The following TRAPPC9 variants were observed in gnomAD, a reference collection of about 807,000 sequenced individuals.
TRAPPC9 encodes trafficking protein particle complex subunit 9, also known as IKK2 binding protein.
A neutral mutation model predicts 124.0 loss-of-function variants in TRAPPC9; 83 were observed. That is an observed-to-expected ratio of 0.67 (90% CI 0.56 to 0.80). The LOEUF (loss-of-function observed/expected upper bound fraction) is 0.80, where lower values mean the gene tolerates loss of function less well. Ranked by LOEUF, TRAPPC9 falls within the 30% of genes least tolerant of loss-of-function variation. TRAPPC9 has a pLI of 0.00. For missense variants in TRAPPC9, 1,302 were observed against 1,508.3 expected, an observed-to-expected ratio of 0.86 and a Z score of 2.27; for synonymous variants, 638 against 617.5, an observed-to-expected ratio of 1.03 and a Z score of -0.49.
intron 17 of TRAPPC9, among the ~76,000 whole-genome samples, chr8:140,138,825 G>C (rs1371192856): frequency 6.6e-6 from 1 of 152,070 alleles, no homozygotes. Context: ...AAACAAAATG[G>C]GGGGATTGGT....
intron 17 of TRAPPC9, among the ~76,000 whole-genome samples, chr8:140,143,013 C>A (rs2061405048): frequency 6.6e-6 from 1 of 152,176 alleles, no homozygotes; most frequent in South Asian, 2.1e-4. Flanking sequence ...CCAAGTAGCA[C>A]AGCACCCAGG....
At chr8:140,297,181 C>T (rs1418388943) in intron 11 of TRAPPC9, among the ~76,000 whole-genome samples, 1 of 152,224 alleles carries the variant, frequency 6.6e-6, no homozygotes, top group Non-Finnish European at 1.5e-5. Context: ...TCCACCACGT[C>T]TACCCAGCGC....
Position 140,063,296 on chromosome 8 carries a change from T to G in TRAPPC9, c.2557-39217A>C, listed in dbSNP as rs1352467751. 6.6e-6 allele frequency among the ~76,000 whole-genome samples: 1 copy of G among 152,238 alleles called. No individual in the cohort carries two copies. The highest frequency in any genetic ancestry group is 1.5e-5 in the Non-Finnish European group (1 of 68,032). On this transcript the variant is annotated intron_variant, in intron 17 of 22. Transcript: ENST00000438773. The surrounding 1 kb of genome is among the most constrained non-coding windows in gnomAD (Gnocchi z 4.3). ...ATTTTGGTTTTCAGTTACTCCTCTT[T>G]GGCCCACGTGGCCTTCCGCTTCCTG...
chr8:140,351,339 TG>T (rs1307619690), intron 9 of TRAPPC9, among the ~76,000 whole-genome samples: 1 of 149,008 alleles, frequency 6.7e-6, no homozygotes, highest in African/African-American at 2.4e-5. Flanking sequence ...TGAAAATATT[TG>T]GGGGAAAAAA....
intron 11 of TRAPPC9, among the ~76,000 whole-genome samples, chr8:140,295,584 C>A (rs1319561232): frequency 6.6e-6 from 1 of 152,234 alleles, no homozygotes; most frequent in East Asian, 1.9e-4. Context: ...TTGCAGTCAT[C>A]TTTGCATGGA....
At chr8:140,448,010 T>C (rs2071328635) in intron 2 of TRAPPC9, among the ~76,000 whole-genome samples, 1 of 151,910 alleles carries the variant, frequency 6.6e-6, no homozygotes, top group Non-Finnish European at 1.5e-5. Context: ...CTGAGTGTGG[T>C]GGCGCACGCC....
intron 17 of TRAPPC9, among the ~76,000 whole-genome samples, chr8:140,035,955 C>A (rs1840848383): frequency 1.3e-5 from 2 of 152,248 alleles, no homozygotes; most frequent in African/African-American, 4.8e-5. Flanking sequence ...GCTTTCCCAT[C>A]TGTGAAATAT....
At chr8:139,732,267 C>T (rs1473187330) in intron 21 of TRAPPC9, 65 bp from the exon 22 acceptor site, 1 of 1,405,764 alleles carries the variant, frequency 7.1e-7, no homozygotes, top group African/African-American at 1.4e-5. Flanking sequence ...CCTACCCCAC[C>T]CACTCGCTGA....
chr8:140,294,273 C>A (rs1440116452), intron 11 of TRAPPC9, among the ~76,000 whole-genome samples: 4 of 152,142 alleles, frequency 2.6e-5, no homozygotes, highest in African/African-American at 9.7e-5. Context: ...GCTCACCCGA[C>A]CTCCTCATTT....
chr8:140,060,597 C>T (rs528794020), intron 17 of TRAPPC9, among the ~76,000 whole-genome samples: 3 of 139,452 alleles, frequency 2.2e-5, no homozygotes, highest in African/African-American at 5.2e-5. Flanking sequence ...CCCAACCCTA[C>T]CCATCCCTAC....
chr8:140,126,701 G>A (rs1212719541), intron 17 of TRAPPC9, among the ~76,000 whole-genome samples: 2 of 152,168 alleles, frequency 1.3e-5, no homozygotes, highest in South Asian at 2.1e-4. Context: ...CATAAGTAGC[G>A]AGAAGTAGCT....
chr8:140,127,399 T>G (rs1220602701), intron 17 of TRAPPC9, among the ~76,000 whole-genome samples: 2 of 152,212 alleles, frequency 1.3e-5, no homozygotes, highest in African/African-American at 4.8e-5. Flanking sequence ...TTTGGTGATT[T>G]TAATCATACA....
chr8:140,404,666 G>A (rs763039694), intron 6 of TRAPPC9, among the ~76,000 whole-genome samples: 7 of 152,164 alleles, frequency 4.6e-5, no homozygotes, highest in African/African-American at 9.7e-5. Flanking sequence ...TAAGATGTGC[G>A]CGTGTATGTG....
At chr8:140,270,839 G>C (rs575980387) in intron 15 of TRAPPC9, among the ~76,000 whole-genome samples, 2 of 152,346 alleles carry the variant, frequency 1.3e-5, no homozygotes, top group Admixed American at 1.3e-4. Context: ...AAGAGGAGAG[G>C]TGGCCATAGA....
At chr8:139,830,143 G>T (rs745876252) in intron 21 of TRAPPC9, among the ~76,000 whole-genome samples, 20 of 152,308 alleles carry the variant, frequency 1.3e-4, no homozygotes, top group Non-Finnish European at 2.2e-4. Context: ...CTGCTAGCAC[G>T]CAAGCAAGGG....
At position 140,287,693 on chromosome 8, in the gene TRAPPC9, C is replaced by A; in HGVS notation, c.1896G>T (p.Ala632=). The A allele has an allele frequency of 6.2e-7, 1 of 1,614,186 alleles. No homozygotes were observed. The highest frequency in any genetic ancestry group is 1.3e-5 in the African/African-American group (1 of 75,056). ...TSGVEFESLP[A]ALSLPAESGL... ...CAGATTCAGCCGGAAGAGAAAGCGC[C>A]GCAGGGAGAGACTCGAACTCCACTC... The change falls in exon 13 of 23, where the codon GCG becomes GCT. Residue 632 remains alanine (A), a synonymous_variant. Coordinates refer to ENST00000438773, the MANE Select transcript of TRAPPC9 (RefSeq NM_001160372.4).
chr8:139,917,167 C>CTTTTTTTTTTTTTTTTTTTTTTTTTT lies in TRAPPC9; in HGVS notation c.2811-6868_2811-6867insAAAAAAAAAAAAAAAAAAAAAAAAAA, dbSNP rs71318317. Among the ~76,000 whole-genome samples the CTTTTTTTTTTTTTTTTTTTTTTTTTT allele has an allele frequency of 8.6e-4, 86 of 99,922 alleles. 3 individuals are homozygous for CTTTTTTTTTTTTTTTTTTTTTTTTTT. Among genetic ancestry groups the CTTTTTTTTTTTTTTTTTTTTTTTTTT allele is most frequent in the East Asian group, 1.4e-3 (4 of 2,924 alleles). 65.6% of individuals were successfully genotyped at this position (99,922 alleles called of 152,430 possible). A position where few individuals can be genotyped will look rare whatever the true frequency, so the allele number is the denominator to read the frequency against. On this transcript the variant is annotated intron_variant, in intron 19 of 22. Transcript: ENST00000438773. ...AGAAATCCTTCTTCATTATTATTTT[C>CTTTTTTTTTTTTTTTTTTTTTTTTTT]TTTTTTTTTTTTTTTTTTTTTGTTG...
At chr8:140,329,986 G>C (rs1427204469) in intron 9 of TRAPPC9, among the ~76,000 whole-genome samples, 1 of 152,110 alleles carries the variant, frequency 6.6e-6, no homozygotes, top group Non-Finnish European at 1.5e-5. Flanking sequence ...GGCTGAGGCA[G>C]GAGAATCACT....
At chr8:140,309,048 G>C (rs1346992236) in intron 10 of TRAPPC9, among the ~76,000 whole-genome samples, 1 of 152,140 alleles carries the variant, frequency 6.6e-6, no homozygotes, top group African/African-American at 2.4e-5. Flanking sequence ...GACGCGCACA[G>C]AAGGTTCGGA....
Sources: gnomAD v4.1 joint callset for allele counts (sites outside exome capture counted in the v4.1 genomes callset) on GRCh38, gnomAD v4.1.1 for gene constraint, Gnocchi (gnomAD v3.1) non-coding constraint, MANE v1.5 for transcripts, NCBI Gene and HGNC (gene_info 2026-07-23, HGNC 2026-07-21) for gene names.